The following GABBR2 variants were observed in gnomAD, a reference collection of about 807,000 sequenced individuals.
GABBR2 encodes G-protein coupled receptor 51.
GABBR2 carries 23 observed loss-of-function variants against 105.6 expected under a neutral mutation model. The ratio of observed to expected loss-of-function variants is 0.22; its 90% CI spans 0.16 to 0.31. The LOEUF (loss-of-function observed/expected upper bound fraction) is 0.31, where lower values mean the gene tolerates loss of function less well. Among genes scored for constraint, GABBR2 ranks in the 10% least tolerant of loss-of-function variants. The pLI is 1.00. For synonymous variants in GABBR2, 478 were observed against 499.7 expected (o/e 0.96, Z 0.58); for missense variants, 734 against 1,245.5 (o/e 0.59, Z 6.18).
Position 98,290,646 on chromosome 9 carries a change from T to TGGGGCTGACGCA in GABBR2, c.2752_2763dup (p.Cys918_Pro921dup). The TGGGGCTGACGCA allele has an allele frequency of 7.0e-7, 1 of 1,436,248 alleles. No individual in the cohort carries two copies. The highest frequency in any genetic ancestry group is 9.1e-7 in the Non-Finnish European group (1 of 1,098,014). 89.0% of individuals were successfully genotyped at this position (1,436,248 alleles called of 1,614,324 possible). On this transcript the variant is annotated inframe_insertion, in exon 19 of 19. Coordinates refer to ENST00000259455, the MANE Select transcript of GABBR2 (RefSeq NM_005458.8). ...ACATGTCTGTGGCGGGGGCTGGCGG[T>TGGGGCTGACGCA]GGGGCTGACGCAGGGGCTGACACAG...
intron 1 of GABBR2, among the ~76,000 whole-genome samples, chr9:98,639,163 G>A (rs1377312942): frequency 6.6e-6 from 1 of 152,182 alleles, no homozygotes; most frequent in Non-Finnish European, 1.5e-5. Context: ...AGTCTGTGAA[G>A]GCCCATGAGT....
At chr9:98,672,471 C>G (rs907651580) in intron 1 of GABBR2, among the ~76,000 whole-genome samples, 4 of 152,242 alleles carry the variant, frequency 2.6e-5, no homozygotes, top group Admixed American at 2.6e-4. Context: ...TTCTTCAATA[C>G]TACACTCAAA....
chr9:98,383,378 C>A lies in GABBR2; in HGVS notation c.1662+2262G>T, dbSNP rs182588059. Among the ~76,000 whole-genome samples the A allele has an allele frequency of 2.4e-4, 36 of 152,122 alleles. No individual in the cohort carries two copies. The East Asian group carries it at 6.4e-3, about 27-fold the overall frequency. On this transcript the variant is annotated intron_variant, in intron 11 of 18. Transcript: ENST00000259455. ...GCATCTTTTGTATTCACCTTCTTCA[C>A]TCCCAGACGGGCAGAATAATGGGAA...
At chr9:98,322,331 C>T (rs1830838347) in intron 13 of GABBR2, among the ~76,000 whole-genome samples, 1 of 152,136 alleles carries the variant, frequency 6.6e-6, no homozygotes, top group Non-Finnish European at 1.5e-5. Context: ...CTTCAATGCC[C>T]ACCCTGGCTC....
At chr9:98,418,895 C>A (rs1182744818) in intron 7 of GABBR2, among the ~76,000 whole-genome samples, 1 of 152,232 alleles carries the variant, frequency 6.6e-6, no homozygotes, top group Non-Finnish European at 1.5e-5. Context: ...ATGGTTCCTT[C>A]TTTTCTGGTC....
intron 11 of GABBR2, among the ~76,000 whole-genome samples, chr9:98,371,978 T>C (rs1192270454): frequency 6.6e-6 from 1 of 152,202 alleles, no homozygotes; most frequent in East Asian, 1.9e-4. Flanking sequence ...GGTCAGGCCA[T>C]GTGGCTACTA....
intron 7 of GABBR2, among the ~76,000 whole-genome samples, chr9:98,407,890 T>C (rs369882458): frequency 4.2e-4 from 64 of 152,338 alleles, no homozygotes; most frequent in African/African-American, 1.5e-3. Context: ...TTACTAAATA[T>C]AACTATTTTG....
intron 1 of GABBR2, among the ~76,000 whole-genome samples, chr9:98,662,161 G>A (rs909528055): frequency 3.9e-5 from 6 of 152,116 alleles, no homozygotes; most frequent in South Asian, 2.1e-4. Context: ...TTCAGAAATC[G>A]TTTTCAGAGC....
rs1016398207 is a variant in GABBR2 at position 98,463,882 on chromosome 9, C to T, written c.999+9264G>A. 7.9e-5 allele frequency among the ~76,000 whole-genome samples: 12 copies of T among 152,246 alleles called. No homozygotes were observed. In the East Asian group the frequency reaches 1.5e-3, roughly 20 times the overall value. On this transcript the variant is annotated intron_variant, in intron 6 of 18. Transcript: ENST00000259455. ...AGCTCCTGGCCTCGGGTGATCTGCC[C>T]GCCTCGGCCTCCCAAGGTGCTGGGA...
intron 3 of GABBR2, among the ~76,000 whole-genome samples, chr9:98,510,764 C>T (rs1371382496): frequency 1.3e-5 from 2 of 152,034 alleles, no homozygotes; most frequent in African/African-American, 2.4e-5. Flanking sequence ...CACCCAGATT[C>T]ATAAAGCAAG....
intron 1 of GABBR2, among the ~76,000 whole-genome samples, chr9:98,647,837 G>A (rs537063312): frequency 1.3e-5 from 2 of 152,096 alleles, no homozygotes; most frequent in African/African-American, 4.8e-5. Flanking sequence ...TCGAGCGCTG[G>A]CTCTGATACG....
chr9:98,524,071 G>A (rs1427632538), intron 3 of GABBR2, among the ~76,000 whole-genome samples: 1 of 152,028 alleles, frequency 6.6e-6, no homozygotes, highest in African/African-American at 2.4e-5. Context: ...CCAAAGAAAT[G>A]GACTATTTTT....
rs142303250 is a variant in GABBR2, at chr9:98,325,405, C to T, written c.1894-14200G>A. ...CTCCTAGGTTCAAGTAATTCTTCTG[C>T]CTCAGCCTCCTGAGTAGCTGAGATT... On this transcript the variant is annotated intron_variant, in intron 13 of 18. Transcript: ENST00000259455. Among the ~76,000 whole-genome samples, 361 of 148,666 alleles carry T rather than the reference C, an allele frequency of 2.4e-3. 1 individual carries two copies. Among genetic ancestry groups the T allele is most frequent in the African/African-American group, 8.7e-3 (349 of 40,224 alleles).
At chr9:98,467,266 T>A (rs1826578590) in intron 6 of GABBR2, among the ~76,000 whole-genome samples, 2 of 152,180 alleles carry the variant, frequency 1.3e-5, no homozygotes, top group Admixed American at 1.3e-4. Context: ...GATGTTGGTA[T>A]AGATGACCAG....
chr9:98,499,790 G>T (rs1303002708), intron 3 of GABBR2, among the ~76,000 whole-genome samples: 1 of 152,228 alleles, frequency 6.6e-6, no homozygotes, highest in East Asian at 1.9e-4. Context: ...GGTGGCTCAC[G>T]CCTGTAATCC....
intron 3 of GABBR2, among the ~76,000 whole-genome samples, chr9:98,509,614 G>A (rs531697449): frequency 5.3e-5 from 8 of 152,328 alleles, no homozygotes; most frequent in African/African-American, 9.6e-5. Flanking sequence ...CGAGAGCTAC[G>A]TGACGAATGC....
intron 7 of GABBR2, among the ~76,000 whole-genome samples, chr9:98,429,905 C>T (rs1325571763): frequency 6.6e-6 from 1 of 152,208 alleles, no homozygotes; most frequent in Admixed American, 6.5e-5. Flanking sequence ...CACTGGCTTC[C>T]TTGTCATGCC....
chr9:98,613,184 A>G (rs1829530156), intron 1 of GABBR2, among the ~76,000 whole-genome samples: 1 of 152,196 alleles, frequency 6.6e-6, no homozygotes, highest in Non-Finnish European at 1.5e-5. Flanking sequence ...GATGCCTATA[A>G]TTCCAACACC....
intron 5 of GABBR2, among the ~76,000 whole-genome samples, chr9:98,477,013 C>G (rs917016521): frequency 6.6e-6 from 1 of 152,260 alleles, no homozygotes; most frequent in East Asian, 1.9e-4. Flanking sequence ...TTGCAGTATT[C>G]CTATGGTCAG....
Sources: allele counts gnomAD v4.1 joint callset (sites outside exome capture counted in the v4.1 genomes callset), GRCh38; gene constraint gnomAD v4.1.1; transcripts MANE v1.5; gene names NCBI Gene and HGNC (gene_info 2026-07-23, HGNC 2026-07-21).